The following GCLC variants were observed in gnomAD, a reference collection of about 807,000 sequenced individuals.
GCLC encodes the protein glutamate--cysteine ligase catalytic subunit.
GCLC carries 30 observed loss-of-function variants against 81.5 expected under a neutral mutation model. That is an observed-to-expected ratio of 0.37 (90% confidence interval 0.28 to 0.50). GCLC has a LOEUF of 0.50. GCLC is among the 20% of genes least tolerant of loss of function. GCLC has a pLI of 0.96. For synonymous variants in GCLC, 262 were observed against 273.3 expected (o/e 0.96, Z 0.41); for missense variants, 556 against 777.4 (o/e 0.72, Z 3.39).
chr6:53,516,924 C>T (rs1264305149), intron 3 of GCLC, among the ~76,000 whole-genome samples: 1 of 152,012 alleles, frequency 6.6e-6, no homozygotes, highest in Admixed American at 6.6e-5. Flanking sequence ...AGTGATGGCC[C>T]CAGTTTTTCC....
chr6:53,535,418 G>C (rs1320977645), intron 1 of GCLC, among the ~76,000 whole-genome samples: 2 of 152,322 alleles, frequency 1.3e-5, no homozygotes, highest in Middle Eastern at 3.4e-3. Flanking sequence ...GGAGGCTGAA[G>C]CAGGAGAATC....
At chr6:53,504,824 A>G (rs1370577227) in intron 12 of GCLC, among the ~76,000 whole-genome samples, 1 of 151,922 alleles carries the variant, frequency 6.6e-6, no homozygotes, top group African/African-American at 2.4e-5. Context: ...GGCCCTCTCT[A>G]TTTAGCAGTT....
Position 53,498,943 on chromosome 6 carries a change from C to T in GCLC, c.1727G>A (p.Trp576Ter). ...ATGGTTTGCGATAAACTCCCTCATCCATCTGGCAACTGTCATTAGTTCTCC... is the reference window on the plus strand; with the variant it reads ...ATGGTTTGCGATAAACTCCCTCATCTATCTGGCAACTGTCATTAGTTCTCC... The part of the protein sequence containing the change: ...ASGELMTVAR[W>*]MREFIANHPD... Residue 576 changes from tryptophan (W) to a stop codon, truncating the protein, a stop_gained, in exon 16 of 16, where the codon TGG (tryptophan) becomes TAG (stop). Coordinates refer to ENST00000650454, the MANE Select transcript of GCLC (RefSeq NM_001498.4). LOFTEE classifies it high-confidence loss of function. The T allele has an allele frequency of 6.2e-7, 1 of 1,612,736 alleles. No homozygotes were observed.
rs770545847 is a variant in GCLC, at chr6:53,509,199, A to G, written c.805T>C (p.Leu269=). The change falls in exon 7 of 16, where the codon TTG becomes CTG. Residue 269 remains leucine (L), a synonymous_variant. Transcript: ENST00000650454. ...ACAACAATTGGACAGATAGTAGCCA[A>G]CTGATCATAAAGGTATCTGGCCTCA... ...ISEARYLYDQ[L]ATICPIVMAL... is the part of the protein sequence containing the mutation. The G allele has an allele frequency of 5.0e-6, 8 of 1,602,184 alleles. 1 individual carries two copies. The South Asian group carries it at 7.7e-5, about 15-fold the overall frequency.
At chr6:53,530,165 A>G (rs1237545229) in intron 1 of GCLC, among the ~76,000 whole-genome samples, 4 of 152,242 alleles carry the variant, frequency 2.6e-5, no homozygotes, top group Non-Finnish European at 5.9e-5. Flanking sequence ...AGTGACTGCT[A>G]GTGCTCACTG....
chr6:53,525,137 C>A (rs888365818), intron 1 of GCLC, among the ~76,000 whole-genome samples: 1 of 152,186 alleles, frequency 6.6e-6, no homozygotes, highest in Non-Finnish European at 1.5e-5. Flanking sequence ...AATTTCCTGA[C>A]GGTTTTTCAA....
intron 3 of GCLC, among the ~76,000 whole-genome samples, chr6:53,518,374 C>T (rs1423031598): frequency 3.3e-5 from 5 of 152,134 alleles, no homozygotes; most frequent in Non-Finnish European, 7.4e-5. Context: ...CCTCAGCCTC[C>T]GGAGTAGCTG....
In GCLC at chr6:53,544,483, C is replaced by T. The variant is rs757359111; in HGVS notation, c.150+13G>A. ...ACGGGTGCCCGGCGGGGACGGGGAC[C>T]GCGGGCGCTCACCTCATCGCCCCAC... is the stretch of plus-strand genomic sequence containing the variant. On this transcript the variant is annotated intron_variant, in intron 1 of 15. Coordinates refer to ENST00000650454, the MANE Select transcript of GCLC (RefSeq NM_001498.4). 3 of 1,605,234 alleles carry T rather than the reference C, an allele frequency of 1.9e-6. No homozygotes were observed. Among genetic ancestry groups the T allele is most frequent in the Middle Eastern group, 3.3e-4 (2 of 6,060 alleles).
At chr6:53,514,544 C>T (rs41271289) in intron 4 of GCLC, 47 bp from the exon 5 acceptor site, 25,310 of 1,338,172 alleles carry the variant, frequency 0.019, 367 homozygotes, top group Non-Finnish European at 0.024. Flanking sequence ...TAAGAGTCAT[C>T]GTGTAAAAGA....
intron 1 of GCLC, among the ~76,000 whole-genome samples, chr6:53,533,694 T>C (rs986354849): frequency 4.6e-5 from 7 of 151,878 alleles, no homozygotes; most frequent in East Asian, 1.9e-4. Flanking sequence ...AGAATCTATA[T>C]ATATAAACAT....
chr6:53,524,691 TAGA>T (rs1189310812), intron 1 of GCLC, among the ~76,000 whole-genome samples: 2 of 152,236 alleles, frequency 1.3e-5, no homozygotes. Flanking sequence ...TTTGCTTAAC[TAGA>T]AAACATGCTT....
intron 3 of GCLC, among the ~76,000 whole-genome samples, chr6:53,518,122 C>A (rs1304775496): frequency 6.6e-6 from 1 of 152,122 alleles, no homozygotes; most frequent in Non-Finnish European, 1.5e-5. Flanking sequence ...AAAATACCTT[C>A]CTATATGGAC....
chr6:53,522,512 C>T lies in GCLC; in HGVS notation c.166G>A (p.Val56Ile). ...KWGDEVEYML[V>I]SFDHENKKVR... The stretch of plus-strand genomic sequence containing the variant: ...TTTTTATTTTCATGATCAAAAGATA[C>T]CAACATGTATTCCACCTATTGAAAA... Residue 56 changes from valine to isoleucine, a missense_variant, in exon 2 of 16, where the codon GTA becomes ATA. This residue lies in a region of GCLC where 234 missense variants were observed against 303.8 expected (regional missense o/e 0.77). Coordinates refer to ENST00000650454, the MANE Select transcript of GCLC (RefSeq NM_001498.4). The T allele has an allele frequency of 6.2e-7, 1 of 1,600,214 alleles. No individual in the cohort carries two copies. Among genetic ancestry groups the T allele is most frequent in the Non-Finnish European group, 8.6e-7 (1 of 1,167,594 alleles).
At chr6:53,501,546 A>C (rs1217145985) in intron 12 of GCLC, among the ~76,000 whole-genome samples, 2 of 152,200 alleles carry the variant, frequency 1.3e-5, no homozygotes, top group Non-Finnish European at 2.9e-5. Flanking sequence ...GTGGGACCTC[A>C]ATATATACAA....
chr6:53,544,652 C>CT lies in GCLC; in HGVS notation c.-8_-7insA, dbSNP rs1763417201. 1.9e-6 allele frequency: 3 copies of CT among 1,578,058 alleles called. No individual in the cohort carries two copies. Among genetic ancestry groups the CT allele is most frequent in the Non-Finnish European group, 1.7e-6 (2 of 1,171,652 alleles). ...CCTGGGACAGCAGCCCCATGGCCGC[C>CT]CCCTCCTCCTCCTCCTCCTCCTCCG... On this transcript the variant is annotated 5_prime_UTR_variant, in exon 1 of 16. Coordinates refer to ENST00000650454, the MANE Select transcript of GCLC (RefSeq NM_001498.4).
At chr6:53,513,050 A>G (rs1410167070) in intron 6 of GCLC, 1 of 152,262 alleles carries the variant, frequency 6.6e-6, no homozygotes, top group Non-Finnish European at 1.5e-5. Flanking sequence ...TACTACCTAT[A>G]AATGTCAAGA....
intron 12 of GCLC, chr6:53,501,352 C>T (rs962944001): frequency 3.9e-5 from 6 of 152,316 alleles, no homozygotes; most frequent in African/African-American, 1.4e-4. Context: ...ACAGCCCTCC[C>T]AAGGGCAGAA....
intron 4 of GCLC, among the ~76,000 whole-genome samples, chr6:53,515,531 T>C (rs564150195): frequency 6.6e-6 from 1 of 152,382 alleles, no homozygotes; most frequent in African/African-American, 2.4e-5. Flanking sequence ...GTTCCCACTC[T>C]GGATCAGGAG....
intron 3 of GCLC, among the ~76,000 whole-genome samples, chr6:53,517,255 T>TTG (rs1554152636): frequency 5.3e-4 from 47 of 89,376 alleles, no homozygotes; most frequent in Non-Finnish European, 8.7e-4. Flanking sequence ...CCAAGTTTTT[T>TTG]TTTTTTTTTT....
Sources: allele counts gnomAD v4.1 joint callset (sites outside exome capture counted in the v4.1 genomes callset), GRCh38; gene constraint gnomAD v4.1.1; regional missense constraint gnomAD v4.1.1; transcripts MANE v1.5; gene names NCBI Gene and HGNC (gene_info 2026-07-23, HGNC 2026-07-21).